CLVS1: variants seen among roughly 807,000 people sequenced by gnomAD.
CLVS1 encodes clavesin-1.
A neutral mutation model predicts 33.1 loss-of-function variants in CLVS1; 10 were observed. The observed-to-expected ratio is 0.30, with a 90% confidence interval of 0.19 to 0.51. The LOEUF (loss-of-function observed/expected upper bound fraction) is 0.51, where lower values mean the gene tolerates loss of function less well. Among genes scored for constraint, CLVS1 ranks in the 20% least tolerant of loss-of-function variants. The pLI is 0.97. For missense variants in CLVS1, 343 were observed against 433.4 expected, an observed-to-expected ratio of 0.79 and a Z score of 1.85; for synonymous variants, 163 against 166.1, an observed-to-expected ratio of 0.98 and a Z score of 0.14.
chr8:61,217,749 A>T (rs1808120739), intron 2 of CLVS1, among the ~76,000 whole-genome samples: 1 of 152,262 alleles, frequency 6.6e-6, no homozygotes, highest in Non-Finnish European at 1.5e-5. Flanking sequence ...AATATTTGTA[A>T]ACTACTTATA....
intron 1 of CLVS1, among the ~76,000 whole-genome samples, chr8:61,096,010 G>A (rs1334188630): frequency 6.6e-6 from 1 of 152,206 alleles, no homozygotes; most frequent in Non-Finnish European, 1.5e-5. Flanking sequence ...AATGTCTGCA[G>A]GAGGTAAGGA....
chr8:61,344,386 G>C (rs56161034), intron 2 of CLVS1, among the ~76,000 whole-genome samples: 56,338 of 152,022 alleles, frequency 0.37, 12,730 homozygotes, highest in East Asian at 0.64. Flanking sequence ...AGATTCCACT[G>C]TCTGGCTCTA....
chr8:61,219,677 C>T (rs568914800), intron 2 of CLVS1, among the ~76,000 whole-genome samples: 3 of 152,256 alleles, frequency 2.0e-5, no homozygotes, highest in East Asian at 3.9e-4. Flanking sequence ...AATGGGATTG[C>T]TGGGTCAAAT....
At chr8:61,066,464 C>T (rs1804681597) in intron 1 of CLVS1, among the ~76,000 whole-genome samples, 1 of 152,104 alleles carries the variant, frequency 6.6e-6, no homozygotes, top group South Asian at 2.1e-4. Context: ...TACCACTGCA[C>T]TCCAGCTTGA....
chr8:61,225,931 G>A (rs895898036), intron 2 of CLVS1, among the ~76,000 whole-genome samples: 1 of 152,342 alleles, frequency 6.6e-6, no homozygotes, highest in East Asian at 1.9e-4. Flanking sequence ...ACTGCTAAAT[G>A]TAGTGCACTG....
In CLVS1 at chr8:61,169,623, A is replaced by G. The variant is rs113751793; in HGVS notation, c.-152+37763A>G. On this transcript the variant is annotated intron_variant, in intron 2 of 2. Coordinates refer to the CLVS1 transcript ENST00000522621. ...TTCTTACCACTGCCCCGAAGAACTC[A>G]GAAATATTTTGTCCCAGGCCGTTGT... is the stretch of plus-strand genomic sequence containing the variant. 1.2e-3 allele frequency among the ~76,000 whole-genome samples: 181 copies of G among 152,332 alleles called. 2 individuals are homozygous for G. Among genetic ancestry groups the G allele is most frequent in the African/African-American group, 4.2e-3 (176 of 41,582 alleles).
chr8:61,312,273 A>G (rs6471946), intron 2 of CLVS1, among the ~76,000 whole-genome samples: 78,809 of 152,008 alleles, frequency 0.52, 20,987 homozygotes, highest in East Asian at 0.82. Flanking sequence ...ATAATCACTC[A>G]GAACAGTGAT....
chr8:61,416,992 C>T (rs1815463031), intron 3 of CLVS1, among the ~76,000 whole-genome samples: 1 of 152,150 alleles, frequency 6.6e-6, no homozygotes, highest in Non-Finnish European at 1.5e-5. Flanking sequence ...AGCCACTTCT[C>T]ACTGTGTAGC....
chr8:61,175,598 T>C (rs1160521980), intron 2 of CLVS1, among the ~76,000 whole-genome samples: 2 of 152,172 alleles, frequency 1.3e-5, no homozygotes, highest in Non-Finnish European at 2.9e-5. Context: ...ACTAGTGTCC[T>C]TATAAGAAGA....
At chr8:61,121,912 C>T (rs573022910) in intron 1 of CLVS1, among the ~76,000 whole-genome samples, 2 of 152,054 alleles carry the variant, frequency 1.3e-5, no homozygotes, top group Non-Finnish European at 2.9e-5. Context: ...GTGTTTCCTT[C>T]GAGAAAAAAA....
chr8:61,433,610 G>A (rs937407021), intron 3 of CLVS1, among the ~76,000 whole-genome samples: 6 of 152,100 alleles, frequency 3.9e-5, no homozygotes, highest in Non-Finnish European at 7.3e-5. Context: ...CCCTGGAGCA[G>A]GCATACCAGG....
chr8:61,196,393 C>G (rs1249857103), intron 2 of CLVS1, among the ~76,000 whole-genome samples: 1 of 152,088 alleles, frequency 6.6e-6, no homozygotes, highest in Non-Finnish European at 1.5e-5. Flanking sequence ...TGGTTGAGAT[C>G]ACAATTTTAT....
chr8:61,328,132 G>A (rs1287182554), intron 2 of CLVS1, among the ~76,000 whole-genome samples: 2 of 152,146 alleles, frequency 1.3e-5, no homozygotes, highest in Non-Finnish European at 2.9e-5. Context: ...GGCTCTGGGA[G>A]TTTCATGAAC....
At chr8:61,327,707 C>T (rs1369088137) in intron 2 of CLVS1, among the ~76,000 whole-genome samples, 1 of 152,210 alleles carries the variant, frequency 6.6e-6, no homozygotes. Flanking sequence ...CACAAGGCCA[C>T]TGACTCTACA....
intron 1 of CLVS1, among the ~76,000 whole-genome samples, chr8:61,121,043 C>T (rs1243799059): frequency 6.6e-6 from 1 of 151,858 alleles, no homozygotes; most frequent in South Asian, 2.1e-4. Flanking sequence ...GGCGTAGGAC[C>T]CTCCAAGCCA....
At chr8:61,353,160 TAGAC>T (rs767431429) in intron 2 of CLVS1, among the ~76,000 whole-genome samples, 8 of 151,976 alleles carry the variant, frequency 5.3e-5, no homozygotes, top group Non-Finnish European at 1.0e-4. Flanking sequence ...TGATAGAACT[TAGAC>T]AGAAGATTTG....
chr8:61,456,644 C>G (rs1383296986), intron 4 of CLVS1, among the ~76,000 whole-genome samples: 1 of 151,906 alleles, frequency 6.6e-6, no homozygotes, highest in African/African-American at 2.4e-5. Flanking sequence ...AGGCTGGGCG[C>G]GGTGGCTCAC....
intron 5 of CLVS1, among the ~76,000 whole-genome samples, chr8:61,496,635 T>C (rs1804276656): frequency 6.8e-6 from 1 of 146,942 alleles, no homozygotes; most frequent in African/African-American, 2.4e-5. Context: ...GCTTGGTATA[T>C]AAGGTTGGAC....
At chr8:61,364,316 C>G (rs897372466) in intron 2 of CLVS1, among the ~76,000 whole-genome samples, 1 of 152,178 alleles carries the variant, frequency 6.6e-6, no homozygotes, top group Non-Finnish European at 1.5e-5. Context: ...GTGGAAGTCA[C>G]AGCAGCCTTA....
Sources: gnomAD v4.1 joint callset for allele counts (sites outside exome capture counted in the v4.1 genomes callset) on GRCh38, gnomAD v4.1.1 for gene constraint, MANE v1.5 for transcripts, NCBI Gene and HGNC (gene_info 2026-07-23, HGNC 2026-07-21) for gene names.